DKK2: variants seen among roughly 807,000 people sequenced by gnomAD.
DKK2 encodes dickkopf Wnt signaling pathway inhibitor 2, also known as dickkopf-related protein 2.
A neutral mutation model predicts 28.1 loss-of-function variants in DKK2; 11 were observed. The observed-to-expected ratio is 0.39, with a 90% CI of 0.25 to 0.65. The LOEUF (loss-of-function observed/expected upper bound fraction) is 0.65, where lower values mean the gene tolerates loss of function less well. Ranked by LOEUF, DKK2 falls within the 30% of genes least tolerant of loss-of-function variation. The probability of loss-of-function intolerance (pLI) is 0.47; values close to 1 mark genes in which losing one functional copy is unlikely to be tolerated. For synonymous variants in DKK2, 135 were observed against 126.5 expected (o/e 1.07, Z -0.45); for missense variants, 326 against 335.5 (o/e 0.97, Z 0.22).
At chr4:106,995,036 A>T (rs1723252252) in intron 1 of DKK2, among the ~76,000 whole-genome samples, 1 of 152,220 alleles carries the variant, frequency 6.6e-6, no homozygotes, top group Admixed American at 6.5e-5. Context: ...TGTTAACAGT[A>T]TTAACCACAT....
chr4:106,952,701 A>G (rs1246385549), intron 1 of DKK2, among the ~76,000 whole-genome samples: 1 of 152,180 alleles, frequency 6.6e-6, no homozygotes, highest in Non-Finnish European at 1.5e-5. Flanking sequence ...CTTAAAATAT[A>G]ATGATAATAT....
chr4:106,963,456 G>A (rs927676957), intron 1 of DKK2, among the ~76,000 whole-genome samples: 3 of 151,912 alleles, frequency 2.0e-5, no homozygotes, highest in Non-Finnish European at 4.4e-5. Context: ...AATCATCAGA[G>A]AAATGCAAAT....
At chr4:106,980,771 A>G (rs1578366349) in intron 1 of DKK2, among the ~76,000 whole-genome samples, 1 of 152,318 alleles carries the variant, frequency 6.6e-6, no homozygotes, top group Non-Finnish European at 1.5e-5. Flanking sequence ...GCTATTTTCA[A>G]TAATGTTACC....
intron 1 of DKK2, among the ~76,000 whole-genome samples, chr4:106,937,164 A>G (rs1273164077): frequency 0.014 from 2,068 of 150,062 alleles, 63 homozygotes; most frequent in Admixed American, 0.092. Flanking sequence ...TAAAAGACAC[A>G]GACTGGCAAA....
intron 1 of DKK2, among the ~76,000 whole-genome samples, chr4:106,940,346 A>C (rs1724674919): frequency 6.6e-6 from 1 of 152,132 alleles, no homozygotes; most frequent in South Asian, 2.1e-4. Context: ...CAGCCAAAAA[A>C]CACATGAAAA....
intron 1 of DKK2, among the ~76,000 whole-genome samples, chr4:106,932,727 G>A (rs1724521759): frequency 6.6e-6 from 1 of 152,182 alleles, no homozygotes; most frequent in Non-Finnish European, 1.5e-5. Context: ...AATTGGATAA[G>A]TATAATTGTC....
chr4:106,952,321 C>A (rs1035429898), intron 1 of DKK2, among the ~76,000 whole-genome samples: 4 of 152,040 alleles, frequency 2.6e-5, no homozygotes, highest in Non-Finnish European at 4.4e-5. Flanking sequence ...ATATATTAAA[C>A]TCCAAAAAGT....
chr4:106,925,160 A>G (rs1724407343), intron 2 of DKK2, among the ~76,000 whole-genome samples: 2 of 152,190 alleles, frequency 1.3e-5, no homozygotes, highest in East Asian at 3.8e-4. Context: ...CAGTAGGTCT[A>G]CACCCAGAGG....
At chr4:106,944,121 A>G (rs998134217) in intron 1 of DKK2, among the ~76,000 whole-genome samples, 4 of 152,114 alleles carry the variant, frequency 2.6e-5, no homozygotes, top group South Asian at 2.1e-4. Flanking sequence ...AGACTTCAAC[A>G]TCTTGTTGGT....
intron 1 of DKK2, among the ~76,000 whole-genome samples, chr4:106,951,133 C>A (rs1028181829): frequency 6.6e-6 from 1 of 151,614 alleles, no homozygotes; most frequent in African/African-American, 2.4e-5. Flanking sequence ...TCTTGTGACA[C>A]CAAAAATAAA....
intron 1 of DKK2, among the ~76,000 whole-genome samples, chr4:107,029,476 G>A (rs772806900): frequency 2.2e-4 from 34 of 152,218 alleles, no homozygotes; most frequent in Middle Eastern, 3.4e-3. Context: ...AAGAGTTAAC[G>A]CAATTGACGA....
At chr4:106,956,857 C>A (rs1189291617) in intron 1 of DKK2, among the ~76,000 whole-genome samples, 1 of 150,830 alleles carries the variant, frequency 6.6e-6, no homozygotes. Context: ...GACTTCATGT[C>A]TAAAACACCA....
chr4:106,933,108 A>G (rs1724526183), intron 1 of DKK2, among the ~76,000 whole-genome samples: 2 of 152,192 alleles, frequency 1.3e-5, no homozygotes, highest in Admixed American at 1.3e-4. Flanking sequence ...TTCTATTTCT[A>G]GAAGACTGGA....
At chr4:106,950,789 T>C (rs1724847224) in intron 1 of DKK2, among the ~76,000 whole-genome samples, 1 of 152,212 alleles carries the variant, frequency 6.6e-6, no homozygotes, top group South Asian at 2.1e-4. Flanking sequence ...ATAATATGCA[T>C]ATAAAAGTAC....
At chr4:107,000,193 T>C (rs1480314966) in intron 1 of DKK2, among the ~76,000 whole-genome samples, 1 of 152,200 alleles carries the variant, frequency 6.6e-6, no homozygotes, top group Non-Finnish European at 1.5e-5. Context: ...AAAAAAGTCT[T>C]AGTCCTTGGT....
intron 1 of DKK2, among the ~76,000 whole-genome samples, chr4:107,025,938 A>G (rs990946949): frequency 2.6e-5 from 4 of 152,344 alleles, no homozygotes; most frequent in East Asian, 3.9e-4. Flanking sequence ...AACAGAAAGC[A>G]TTGCTTCTGA....
At chr4:107,022,979 T>G (rs1259825671) in intron 1 of DKK2, among the ~76,000 whole-genome samples, 1 of 152,064 alleles carries the variant, frequency 6.6e-6, no homozygotes, top group Non-Finnish European at 1.5e-5. Context: ...CTGTTTTTAG[T>G]TTTGGAACAT....
chr4:107,026,613 C>T (rs377307611), intron 1 of DKK2, among the ~76,000 whole-genome samples: 9 of 152,098 alleles, frequency 5.9e-5, no homozygotes, highest in African/African-American at 1.4e-4. Context: ...AGCATTCTTT[C>T]GGCACCCGTG....
At chr4:107,032,522 T>G (rs1423741171) in intron 1 of DKK2, among the ~76,000 whole-genome samples, 1 of 152,126 alleles carries the variant, frequency 6.6e-6, no homozygotes, top group Non-Finnish European at 1.5e-5. Context: ...TTACTAAATT[T>G]ATTCAAGAAT....
Sources: gnomAD v4.1 joint callset for allele counts (sites outside exome capture counted in the v4.1 genomes callset) on GRCh38, gnomAD v4.1.1 for gene constraint, MANE v1.5 for transcripts, NCBI Gene and HGNC (gene_info 2026-07-23, HGNC 2026-07-21) for gene names.